GRK6: variants seen among roughly 807,000 people sequenced by gnomAD.
GRK6 encodes the protein G protein-coupled receptor kinase 6.
Under a neutral mutation model 80.8 loss-of-function variants are expected in GRK6, and 37 were observed. The observed-to-expected ratio is 0.46, with a 90% CI of 0.35 to 0.60. The LOEUF (loss-of-function observed/expected upper bound fraction) is 0.60, where lower values mean the gene tolerates loss of function less well. Ranked by LOEUF, GRK6 falls within the 20% of genes least tolerant of loss-of-function variation. The probability of loss-of-function intolerance (pLI) is 0.00; values close to 1 mark genes in which losing one functional copy is unlikely to be tolerated. For synonymous variants in GRK6, 295 were observed against 320.9 expected (o/e 0.92, Z 0.86); for missense variants, 560 against 784.6 (o/e 0.71, Z 3.42).
At position 177,440,927 on chromosome 5, in the gene GRK6, G is replaced by T; in HGVS notation, c.1551G>T (p.Glu517Asp). 1.9e-6 allele frequency: 3 copies of T among 1,614,024 alleles called. No individual in the cohort carries two copies. The highest frequency in any genetic ancestry group is 2.5e-6 in the Non-Finnish European group (3 of 1,179,996). ...VPIPWQNEMVETECFQELNVF... is the reference protein window; with the variant it reads ...VPIPWQNEMVDTECFQELNVF... ...CGCCTGCTCCTCAGCAGATGGTGGA[G>T]ACCGAGTGCTTCCAAGAGCTGAATG... is the stretch of plus-strand genomic sequence containing the variant. The change falls in exon 15 of 16, where the codon GAG (glutamate) becomes GAT (aspartate). Residue 517 changes from glutamate to aspartate, a missense_variant. Transcript: ENST00000355472.
intron 7 of GRK6, 42 bp downstream of exon 7, chr5:177,433,452 G>A: frequency 6.2e-7 from 1 of 1,611,056 alleles, no homozygotes; most frequent in South Asian, 1.1e-5. Context: ...TGAATAGGGT[G>A]GGTGTGTTGG....
At chr5:177,441,170 T>A in intron 15 of GRK6, 117 bp downstream of exon 15, 1 of 1,483,862 alleles carries the variant, frequency 6.7e-7, no homozygotes. Flanking sequence ...CCTGTTGTGG[T>A]GCCCAGGGTC....
rs1764523169 is a variant in GRK6 at position 177,441,798 on chromosome 5, C to A, written c.*8C>A. 6.2e-7 allele frequency: 1 copy of A among 1,611,042 alleles called. No homozygotes were observed. Among genetic ancestry groups the A allele is most frequent in the Non-Finnish European group, 8.5e-7 (1 of 1,177,744 alleles). On this transcript the variant is annotated 3_prime_UTR_variant, in exon 16 of 16. Transcript: ENST00000355472. ...CTCCCCACCCGCCTCTAGCCCCCAG[C>A]CCGAGGCCCCCACCAGCAGTTGGCG...
At position 177,432,230 on chromosome 5, in the gene GRK6, C is replaced by T. The variant is rs751068448; in HGVS notation, c.262-3C>T. 3 of 1,613,854 alleles carry T rather than the reference C, an allele frequency of 1.9e-6. No homozygotes were observed. Among genetic ancestry groups the T allele is most frequent in the Non-Finnish European group, 1.7e-6 (2 of 1,179,984 alleles). On this transcript the variant is annotated splice_region_variant and splice_polypyrimidine_tract_variant and intron_variant, in intron 3 of 15. Coordinates refer to ENST00000355472, the MANE Select transcript of GRK6 (RefSeq NM_001004106.3). ...TCCAGCTTCTTTGCTTTCCACCCTG[C>T]AGGCCGAGTATGAAGTGACCCCGGA... is the stretch of plus-strand genomic sequence containing the variant.
At chr5:177,427,594 A>AC (rs1267584816) in intron 1 of GRK6, among the ~76,000 whole-genome samples, 1 of 151,984 alleles carries the variant, frequency 6.6e-6, no homozygotes, top group East Asian at 1.9e-4. Flanking sequence ...CGTGGCTCCC[A>AC]CCCCAGATGT....
chr5:177,429,300 G>A lies in GRK6; in HGVS notation c.53-1572G>A, dbSNP rs964771036. Among the ~76,000 whole-genome samples, 1 of 152,134 alleles carries A rather than the reference G, an allele frequency of 6.6e-6. No homozygotes were observed. The highest frequency in any genetic ancestry group is 2.4e-5 in the African/African-American group (1 of 41,416). On this transcript the variant is annotated intron_variant, in intron 1 of 15. Coordinates refer to ENST00000355472, the MANE Select transcript of GRK6 (RefSeq NM_001004106.3). This position sits in a 1 kb window ranked among gnomAD's most constrained non-coding sequence, Gnocchi z 4.3. ...GGGACACTGAAAGGGGACAGGGAGG[G>A]TGGGGAAGAGCTCCACTGACTGGGC...
At chr5:177,441,440 C>A (rs1764494191) in intron 15 of GRK6, 2 of 710,110 alleles carry the variant, frequency 2.8e-6, no homozygotes, top group Admixed American at 5.3e-5. Flanking sequence ...TCTCCCCGTG[C>A]CCTGTCTCTG....
At chr5:177,440,260 A>C (rs1036152216) in intron 13 of GRK6, among the ~76,000 whole-genome samples, 1 of 152,222 alleles carries the variant, frequency 6.6e-6, no homozygotes, top group Non-Finnish European at 1.5e-5. Context: ...AGACCGTGCC[A>C]GTCCTCTGAT....
chr5:177,431,600 T>C, intron 2 of GRK6: 1 of 257,668 alleles, frequency 3.9e-6, no homozygotes, highest in Non-Finnish European at 7.7e-6. Flanking sequence ...AAGCCACAGC[T>C]TCCTCTCGCA....
chr5:177,431,980 C>T lies in GRK6; in HGVS notation c.149-15C>T. Reference sequence around the variant, plus strand: ...CTCGGGCTGTGGACCCAGCAGCTTCCATCACTGCCAACAGAGCGTGACTAT... The same window carrying T: ...CTCGGGCTGTGGACCCAGCAGCTTCTATCACTGCCAACAGAGCGTGACTAT... On this transcript the variant is annotated splice_polypyrimidine_tract_variant and intron_variant, in intron 2 of 15. Coordinates refer to ENST00000355472, the MANE Select transcript of GRK6 (RefSeq NM_001004106.3). 1.9e-6 allele frequency: 3 copies of T among 1,610,176 alleles called. No individual in the cohort carries two copies. Among genetic ancestry groups the T allele is most frequent in the Non-Finnish European group, 1.7e-6 (2 of 1,177,362 alleles).
rs754009900 is a variant in GRK6 at position 177,433,337 on chromosome 5, C to G, written c.534-10C>G. ...TCAGCCAGCGTTTGCTTCCCCACCC[C>G]TTGCCACAGGCAGCCAGTGACCAAA... is the stretch of plus-strand genomic sequence containing the variant. On this transcript the variant is annotated splice_polypyrimidine_tract_variant and intron_variant, in intron 6 of 15. Coordinates refer to ENST00000355472, the MANE Select transcript of GRK6 (RefSeq NM_001004106.3). 5 of 1,614,026 alleles carry G rather than the reference C, an allele frequency of 3.1e-6. No individual in the cohort carries two copies. The Admixed American group carries it at 8.3e-5, about 27-fold the overall frequency.
chr5:177,430,269 T>C (rs2731665), intron 1 of GRK6, among the ~76,000 whole-genome samples: 61,711 of 152,096 alleles, frequency 0.41, 13,327 homozygotes, highest in Non-Finnish European at 0.5. Context: ...GAACTGCTGC[T>C]GTGACCTCAG....
In GRK6 at chr5:177,440,808, G is replaced by A. The variant is rs1764445628; in HGVS notation, c.1513G>A (p.Gly505Ser). The change falls in exon 14 of 16, where the codon GGC (glycine) becomes AGC (serine). Residue 505 changes from glycine to serine, a missense_variant. By Grantham distance (56) the Gly-to-Ser change is moderately conservative. This residue lies in a region of GRK6 where 294 missense variants were observed against 397.4 expected (regional missense o/e 0.74). Coordinates refer to ENST00000355472, the MANE Select transcript of GRK6 (RefSeq NM_001004106.3). Reference sequence around the variant, plus strand: ...GGACTTCTACCAGAAGTTTGCCACAGGCAGTGTGCCCATCCCCTGGCAGAA... The same window carrying A: ...GGACTTCTACCAGAAGTTTGCCACAAGCAGTGTGCCCATCCCCTGGCAGAA... The part of the protein sequence containing the change: ...DQDFYQKFAT[G>S]SVPIPWQNEM... 1.2e-6 allele frequency: 2 copies of A among 1,614,060 alleles called. No homozygotes were observed. Among genetic ancestry groups the A allele is most frequent in the Non-Finnish European group, 8.5e-7 (1 of 1,180,046 alleles).
chr5:177,436,077 G>A lies in GRK6; in HGVS notation c.1062G>A (p.Pro354=), dbSNP rs551708900. 18 of 1,612,188 alleles carry A rather than the reference G, an allele frequency of 1.1e-5. No individual in the cohort carries two copies. Among genetic ancestry groups the A allele is most frequent in the East Asian group, 6.7e-5 (3 of 44,830 alleles). ...ACTCCCATGCCGCCCGCCCAGCTCC[G>A]GAGGTGGTGAAGAATGAACGGTACA... ...GRVGTVGYMA[P]EVVKNERYTF... The change falls in exon 12 of 16, where the codon CCG becomes CCA. Residue 354 remains proline, a synonymous_variant. Coordinates refer to ENST00000355472, the MANE Select transcript of GRK6 (RefSeq NM_001004106.3).
In GRK6 at chr5:177,431,957, C is replaced by G. The variant is rs377555690; in HGVS notation, c.149-38C>G. The G allele has an allele frequency of 8.9e-6, 14 of 1,581,856 alleles. 1 individual carries two copies. In the South Asian group the frequency reaches 1.5e-4, roughly 17 times the overall value. Reference sequence around the variant, plus strand: ...GGCACATGCCCCACCCATGTGCTCTCGGGCTGTGGACCCAGCAGCTTCCAT... The same window carrying G: ...GGCACATGCCCCACCCATGTGCTCTGGGGCTGTGGACCCAGCAGCTTCCAT... On this transcript the variant is annotated intron_variant, in intron 2 of 15. Coordinates refer to ENST00000355472, the MANE Select transcript of GRK6 (RefSeq NM_001004106.3).
At chr5:177,441,230 CTT>C in intron 15 of GRK6, 177 bp downstream of exon 15, 1 of 1,551,330 alleles carries the variant, frequency 6.4e-7, no homozygotes, top group East Asian at 2.3e-5. Flanking sequence ...CTCATGGCCT[CTT>C]TTCTCTTTCC....
Position 177,433,758 on chromosome 5 carries a change from A to G in GRK6, c.738+82A>G, listed in dbSNP as rs1764015592. Reference sequence around the variant, plus strand: ...CCCACCCCCCAGGCCCCACCCTCCCATGTGGGATGCCAGGAAGGGCGGGTT... The same window carrying G: ...CCCACCCCCCAGGCCCCACCCTCCCGTGTGGGATGCCAGGAAGGGCGGGTT... On this transcript the variant is annotated intron_variant, in intron 8 of 15. Transcript: ENST00000355472. The G allele has an allele frequency of 6.4e-6, 10 of 1,554,512 alleles. No individual in the cohort carries two copies. In the South Asian group the frequency reaches 1.2e-4, roughly 18 times the overall value.
chr5:177,426,523 A>C (rs1356963665), upstream of GRK6: 1 of 152,052 alleles, frequency 6.6e-6, no homozygotes, highest in Non-Finnish European at 1.5e-5. Flanking sequence ...TACTTCTTTG[A>C]GCGAGTCCCC....
Position 177,436,146 on chromosome 5 carries a change from G to A in GRK6, c.1131G>A (p.Glu377=), listed in dbSNP as rs1233626495. The A allele has an allele frequency of 2.5e-6, 4 of 1,614,164 alleles. No homozygotes were observed. In the East Asian group the frequency reaches 8.9e-5, roughly 36 times the overall value. ...GGGCGCTCGGCTGCCTCCTGTACGAGATGATCGCAGGCCAGTCGCCCTTCC... is the reference window on the plus strand; with the variant it reads ...GGGCGCTCGGCTGCCTCCTGTACGAAATGATCGCAGGCCAGTCGCCCTTCC... ...DWWALGCLLY[E]MIAGQSPFQQ... is the part of the protein sequence containing the mutation. Residue 377 remains glutamate, a synonymous_variant, in exon 12 of 16, where the codon GAG becomes GAA. Transcript: ENST00000355472.
Sources: allele counts gnomAD v4.1 joint callset (sites outside exome capture counted in the v4.1 genomes callset), GRCh38; gene constraint gnomAD v4.1.1; regional missense constraint gnomAD v4.1.1; non-coding constraint Gnocchi (gnomAD v3.1); transcripts MANE v1.5; gene names NCBI Gene and HGNC (gene_info 2026-07-23, HGNC 2026-07-21).